TMEM132B: variants seen among roughly 807,000 people sequenced by gnomAD.
TMEM132B encodes transmembrane protein 132B.
TMEM132B carries 18 observed loss-of-function variants against 90.8 expected under a neutral mutation model. That is an observed-to-expected ratio of 0.20 (90% CI 0.14 to 0.29). The LOEUF (loss-of-function observed/expected upper bound fraction) is 0.29. Ranked by LOEUF, TMEM132B falls within the 10% of genes least tolerant of loss-of-function variation. The pLI, the probability that TMEM132B is intolerant of heterozygous loss-of-function variation, is 1.00. For missense variants in TMEM132B, 1,096 were observed against 1,326.8 expected, an observed-to-expected ratio of 0.83 and a Z score of 2.70; for synonymous variants, 504 against 523.3, an observed-to-expected ratio of 0.96 and a Z score of 0.50.
At chr12:125,416,247 C>T (rs1453273146) in intron 3 of TMEM132B, among the ~76,000 whole-genome samples, 1 of 152,098 alleles carries the variant, frequency 6.6e-6, no homozygotes, top group East Asian at 1.9e-4. Context: ...AGAACTCTCA[C>T]CTGTGTTGCA....
At chr12:125,544,684 C>T (rs150983599) in intron 4 of TMEM132B, among the ~76,000 whole-genome samples, 11 of 152,268 alleles carry the variant, frequency 7.2e-5, no homozygotes, top group African/African-American at 1.2e-4. Flanking sequence ...ACACCTGTCC[C>T]GCAGTCAATG....
At chr12:125,220,694 G>A (rs533944766) in intron 1 of TMEM132B, among the ~76,000 whole-genome samples, 2 of 152,286 alleles carry the variant, frequency 1.3e-5, no homozygotes, top group South Asian at 4.1e-4. Context: ...CTGGGGCTGC[G>A]GCAGCCTCTT....
intron 2 of TMEM132B, among the ~76,000 whole-genome samples, chr12:125,364,918 A>G (rs1878078900): frequency 2.0e-5 from 3 of 152,048 alleles, no homozygotes; most frequent in Admixed American, 1.3e-4. Context: ...TCTTGTAGAT[A>G]GCATACACTT....
chr12:125,391,564 G>T (rs1480442618), intron 2 of TMEM132B, among the ~76,000 whole-genome samples: 4 of 152,126 alleles, frequency 2.6e-5, no homozygotes, highest in African/African-American at 4.8e-5. Flanking sequence ...CTACTCCCCT[G>T]CAGACCTGCA....
At chr12:125,360,618 T>C (rs58458254) in intron 2 of TMEM132B, among the ~76,000 whole-genome samples, 1,887 of 152,204 alleles carry the variant, frequency 0.012, 42 homozygotes, top group African/African-American at 0.042. Flanking sequence ...TAACTAGCAA[T>C]GCAAGGTATG....
At chr12:125,603,820 A>T (rs1446872156) in intron 5 of TMEM132B, among the ~76,000 whole-genome samples, 1 of 152,242 alleles carries the variant, frequency 6.6e-6, no homozygotes, top group Non-Finnish European at 1.5e-5. Context: ...GAGGACATTT[A>T]TGCAGCCAAC....
At chr12:125,506,752 T>C (rs1882856724) in intron 3 of TMEM132B, among the ~76,000 whole-genome samples, 1 of 152,242 alleles carries the variant, frequency 6.6e-6, no homozygotes. Flanking sequence ...TCAATACCCT[T>C]CTGGGTCTCA....
At chr12:125,282,027 C>CAAAAAAAAAAAAAAAAAA (rs869083244) in intron 1 of TMEM132B, among the ~76,000 whole-genome samples, 1 of 16,086 alleles carries the variant, frequency 6.2e-5, no homozygotes, top group African/African-American at 2.3e-4. Flanking sequence ...GACTCCGTCT[C>CAAAAAAAAAAAAAAAAAA]AAAAAAAAAA....
chr12:125,532,085 A>G (rs1427082027), intron 4 of TMEM132B, among the ~76,000 whole-genome samples: 3 of 152,236 alleles, frequency 2.0e-5, no homozygotes, highest in Non-Finnish European at 4.4e-5. Flanking sequence ...TGGAGAGTGA[A>G]CTGGAGTCAG....
chr12:125,542,826 C>A lies in TMEM132B; in HGVS notation c.1293+23201C>A, dbSNP rs138426764. On this transcript the variant is annotated intron_variant, in intron 4 of 8. Transcript: ENST00000682704. ...GTTCAAATATCTCTTCGAAGCCTTG[C>A]TTTCTGTTCTTTTGAGTATATTGGA... 5.0e-3 allele frequency among the ~76,000 whole-genome samples: 769 copies of A among 152,288 alleles called. 8 individuals are homozygous for A. The highest frequency in any genetic ancestry group is 0.017 in the African/African-American group (724 of 41,550).
At chr12:125,228,239 C>T (rs75352348) in intron 1 of TMEM132B, among the ~76,000 whole-genome samples, 5,458 of 152,272 alleles carry the variant, frequency 0.036, 128 homozygotes, top group Non-Finnish European at 0.049. Flanking sequence ...CCTCAATGAG[C>T]TCGGACTGGC....
Position 125,350,217 on chromosome 12 carries a change from G to C in TMEM132B, c.833G>C (p.Trp278Ser). 6.2e-7 allele frequency: 1 copy of C among 1,614,142 alleles called. No individual in the cohort carries two copies. The highest frequency in any genetic ancestry group is 1.1e-5 in the South Asian group (1 of 91,064). The change falls in exon 2 of 9, where the codon TGG (tryptophan) becomes TCG (serine). Residue 278 changes from tryptophan (W) to serine (S), a missense_variant. Coordinates refer to ENST00000682704, the MANE Select transcript of TMEM132B (RefSeq NM_001366854.1). ...VVYPTQDDLK[W>S]SLVSLDENVV... is the part of the protein sequence containing the mutation. The stretch of plus-strand genomic sequence containing the variant: ...TACCCAACCCAAGATGATCTGAAGT[G>C]GTCCCTGGTGAGCTTGGACGAGAAT...
chr12:125,473,286 C>T (rs1363972113), intron 3 of TMEM132B, among the ~76,000 whole-genome samples: 1 of 152,182 alleles, frequency 6.6e-6, no homozygotes, highest in Non-Finnish European at 1.5e-5. Context: ...ACCACTTTTC[C>T]AAAAGGCCCA....
chr12:125,528,246 G>A lies in TMEM132B; in HGVS notation c.1293+8621G>A, dbSNP rs555920528. 5.3e-5 allele frequency among the ~76,000 whole-genome samples: 8 copies of A among 151,608 alleles called. No individual in the cohort carries two copies. The South Asian group carries it at 8.3e-4, about 16-fold the overall frequency. On this transcript the variant is annotated intron_variant, in intron 4 of 8. Transcript: ENST00000682704. ...GCTTTGAGCTTAGAGCTTTATTTCC[G>A]TGGGTGGCTTGGTGTTGAGGGCTGC...
chr12:125,598,015 G>A (rs927137916), intron 5 of TMEM132B, among the ~76,000 whole-genome samples: 16 of 152,184 alleles, frequency 1.1e-4, no homozygotes, highest in African/African-American at 3.1e-4. Flanking sequence ...CGTTTGTGGT[G>A]TGTAGGATGT....
chr12:125,200,030 G>A (rs117791282), intron 1 of TMEM132B, among the ~76,000 whole-genome samples: 3,338 of 152,282 alleles, frequency 0.022, 55 homozygotes, highest in Admixed American at 0.034. Context: ...CGGGCACAAA[G>A]TTGTTAGTTT....
intron 3 of TMEM132B, among the ~76,000 whole-genome samples, chr12:125,463,089 A>G (rs971224589): frequency 5.9e-5 from 9 of 152,258 alleles, no homozygotes; most frequent in East Asian, 1.9e-4. Context: ...TCTCTCAAAT[A>G]TTAAGTAAAC....
At chr12:125,297,252 G>A (rs1323709326) in intron 1 of TMEM132B, among the ~76,000 whole-genome samples, 1 of 152,218 alleles carries the variant, frequency 6.6e-6, no homozygotes, top group Non-Finnish European at 1.5e-5. Flanking sequence ...ATCGTCTCAT[G>A]TCCCGAGGCA....
At chr12:125,539,012 G>A (rs549223418) in intron 4 of TMEM132B, among the ~76,000 whole-genome samples, 5 of 152,090 alleles carry the variant, frequency 3.3e-5, no homozygotes, top group Non-Finnish European at 7.4e-5. Flanking sequence ...CTGCCAGACC[G>A]CCTGTCCTGG....
Sources: gnomAD v4.1 joint callset for allele counts (sites outside exome capture counted in the v4.1 genomes callset) on GRCh38, gnomAD v4.1.1 for gene constraint, MANE v1.5 for transcripts, NCBI Gene and HGNC (gene_info 2026-07-23, HGNC 2026-07-21) for gene names.